The following VARS2 variants were observed in gnomAD, a reference collection of about 807,000 sequenced individuals.
The protein encoded by VARS2 is valine--tRNA ligase, mitochondrial.
A neutral mutation model predicts 154.1 loss-of-function variants in VARS2; 105 were observed. The observed-to-expected ratio is 0.68, with a 90% confidence interval of 0.58 to 0.80. The LOEUF is 0.80. Among genes scored for constraint, VARS2 ranks in the 30% least tolerant of loss-of-function variants. The pLI is 0.00. For synonymous variants in VARS2, 483 were observed against 539.5 expected, an observed-to-expected ratio of 0.90 and a Z score of 1.45; for missense variants, 1,157 against 1,361.4, an observed-to-expected ratio of 0.85 and a Z score of 2.36.
Position 30,921,679 on chromosome 6 carries a change from A to T in VARS2, c.1723A>T (p.Thr575Ser). The T allele has an allele frequency of 6.2e-7, 1 of 1,604,756 alleles. No individual in the cohort carries two copies. Among genetic ancestry groups the T allele is most frequent in the African/African-American group, 1.3e-5 (1 of 74,908 alleles). The change falls in exon 18 of 30, where the codon ACC (threonine) becomes TCC (serine). Residue 575 changes from threonine to serine, a missense_variant. Transcript: ENST00000676266. The surrounding 1 kb of genome is among the most constrained non-coding windows in gnomAD (Gnocchi z 4.6). ...GACAGGGAGGCCAGGGGCAGAGCTGACCCTGGAGAGGGGTGAGTGCCTGAG... is the reference window on the plus strand; with the variant it reads ...GACAGGGAGGCCAGGGGCAGAGCTGTCCCTGGAGAGGGGTGAGTGCCTGAG... ...ELTGRPGAEL[T>S]LERDPDVLDT... is the part of the protein sequence containing the mutation.
chr6:30,926,252 T>C lies in VARS2; in HGVS notation c.*42T>C. 6.3e-7 allele frequency: 1 copy of C among 1,594,424 alleles called. No individual in the cohort carries two copies. Among genetic ancestry groups the C allele is most frequent in the Non-Finnish European group, 8.6e-7 (1 of 1,164,362 alleles). On this transcript the variant is annotated 3_prime_UTR_variant, in exon 30 of 30. Transcript: ENST00000676266. Reference sequence around the variant, plus strand: ...GTTTTCCTCCCTCTCAGACCTGTCTTTGAGGACAAACAGATTTGTCAGCTG... The same window carrying C: ...GTTTTCCTCCCTCTCAGACCTGTCTCTGAGGACAAACAGATTTGTCAGCTG...
Position 30,915,193 on chromosome 6 carries a change from A to G in VARS2, c.239A>G (p.Glu80Gly). The G allele has an allele frequency of 1.2e-6, 2 of 1,614,218 alleles. No homozygotes were observed. Among genetic ancestry groups the G allele is most frequent in the South Asian group, 2.2e-5 (2 of 91,090 alleles). ...TCCATTAAGGCCTGGAGGCCTAAGG[A>G]GTTAGTATTGTATGAAATCCCTACG... ...AESIKAWRPK[E>G]LVLYEIPTKP... Residue 80 changes from glutamate (E) to glycine (G), a missense_variant, in exon 3 of 30, where the codon GAG becomes GGG. By Grantham distance (98) the Glu-to-Gly change is moderately conservative. Coordinates refer to ENST00000676266, the MANE Select transcript of VARS2 (RefSeq NM_020442.6).
In VARS2 at chr6:30,925,962, C is replaced by T. The variant is rs1161554576; in HGVS notation, c.3044C>T (p.Ala1015Val). The change falls in exon 29 of 30, where the codon GCC (alanine) becomes GTC (valine). Residue 1015 changes from alanine to valine, a missense_variant. Ala to Val is a moderately conservative substitution (Grantham distance 64, BLOSUM62 0). Coordinates refer to ENST00000676266, the MANE Select transcript of VARS2 (RefSeq NM_020442.6). Reference sequence around the variant, plus strand: ...CAGAAGCAGCTTGACAGCCTCACAGCCAGGACCCCATCAGAAGGGGAGGCA... The same window carrying T: ...CAGAAGCAGCTTGACAGCCTCACAGTCAGGACCCCATCAGAAGGGGAGGCA... ...KLQKQLDSLTARTPSEGEAGT... is the reference protein window; with the variant it reads ...KLQKQLDSLTVRTPSEGEAGT... The T allele has an allele frequency of 2.5e-6, 4 of 1,612,940 alleles. No homozygotes were observed. Among genetic ancestry groups the T allele is most frequent in the Non-Finnish European group, 3.4e-6 (4 of 1,180,036 alleles).
At position 30,923,415 on chromosome 6, in the gene VARS2, G is replaced by T; in HGVS notation, c.2376G>T (p.Glu792Asp). ...ILSRLALAAQ[E>D]CERGFLTREL... Reference sequence around the variant, plus strand: ...GCCGCCTTGCCCTGGCTGCCCAGGAGTGTGAGCGGGGCTTCCTCACCCGAG... The same window carrying T: ...GCCGCCTTGCCCTGGCTGCCCAGGATTGTGAGCGGGGCTTCCTCACCCGAG... Residue 792 changes from glutamate to aspartate, a missense_variant, in exon 25 of 30, where the codon GAG (glutamate) becomes GAT (aspartate). Transcript: ENST00000676266. The T allele has an allele frequency of 6.2e-7, 1 of 1,612,326 alleles. No individual in the cohort carries two copies. Among genetic ancestry groups the T allele is most frequent in the Non-Finnish European group, 8.5e-7 (1 of 1,180,018 alleles).
At chr6:30,914,522 G>T in intron 1 of VARS2, 178 bp downstream of exon 1, 1 of 1,342,718 alleles carries the variant, frequency 7.4e-7, no homozygotes, top group South Asian at 2.0e-5. Context: ...TGGGCGCGCT[G>T]ATGCCCATCA....
rs374035061 is a variant in VARS2, at chr6:30,919,766, C to T, written c.1083C>T (p.His361=). ...CTCTCCCTTCCCTTCAGCATCTACA[C>T]GGGCGACAGCTTCGTCACCCCTTGA... ...HPDDSRYTHL[H]GRQLRHPLMG... The change falls in exon 12 of 30, where the codon CAC becomes CAT. Residue 361 remains histidine (H), a synonymous_variant. Coordinates refer to ENST00000676266, the MANE Select transcript of VARS2 (RefSeq NM_020442.6). This position sits in a 1 kb window ranked among gnomAD's most constrained non-coding sequence, Gnocchi z 4.5. 1.9e-4 allele frequency: 294 copies of T among 1,579,938 alleles called. No individual in the cohort carries two copies. Among genetic ancestry groups the T allele is most frequent in the Non-Finnish European group, 2.2e-4 (252 of 1,159,200 alleles).
In VARS2 at chr6:30,918,821, C is replaced by T. The variant is rs1344511268; in HGVS notation, c.986-6C>T. 6.2e-7 allele frequency: 1 copy of T among 1,612,756 alleles called. No individual in the cohort carries two copies. The highest frequency in any genetic ancestry group is 1.3e-5 in the African/African-American group (1 of 75,020). On this transcript the variant is annotated splice_polypyrimidine_tract_variant and splice_region_variant and intron_variant, in intron 10 of 29. Transcript: ENST00000676266. ...CAGCTGTAAGTGTTTAAATGTTTAT[C>T]TTCAGATGCAGAGGTTGTGGTAGGA...
chr6:30,921,651 ACTGACAGGGAGGCCAGGGGCAGAG>A lies in VARS2; in HGVS notation c.1701_1724del (p.Gly568_Thr575del), dbSNP rs1562457364. ...CTGAGGCCAGAGAGGTAGCAGCGGA[ACTGACAGGGAGGCCAGGGGCAGAG>A]CTGACCCTGGAGAGGGGTGAGTGCC... is the stretch of plus-strand genomic sequence containing the variant. On this transcript the variant is annotated inframe_deletion, in exon 18 of 30. Transcript: ENST00000676266. This position sits in a 1 kb window ranked among gnomAD's most constrained non-coding sequence, Gnocchi z 4.6. 3.7e-6 allele frequency: 6 copies of A among 1,608,992 alleles called. No homozygotes were observed. Among genetic ancestry groups the A allele is most frequent in the Middle Eastern group, 1.6e-4 (1 of 6,076 alleles).
chr6:30,919,788 T>C lies in VARS2; in HGVS notation c.1105T>C (p.Leu369=). 6.3e-7 allele frequency: 1 copy of C among 1,594,526 alleles called. No homozygotes were observed. The highest frequency in any genetic ancestry group is 8.6e-7 in the Non-Finnish European group (1 of 1,167,598). The change falls in exon 12 of 30, where the codon TTG becomes CTG. Residue 369 remains leucine (L), a synonymous_variant. Coordinates refer to ENST00000676266, the MANE Select transcript of VARS2 (RefSeq NM_020442.6). This position sits in a 1 kb window ranked among gnomAD's most constrained non-coding sequence, Gnocchi z 4.5. The stretch of plus-strand genomic sequence containing the variant: ...ACACGGGCGACAGCTTCGTCACCCC[T>C]TGATGGGGCAGCCTCTTCCCCTCAT... ...HLHGRQLRHP[L]MGQPLPLITD... is the part of the protein sequence containing the mutation.
In VARS2 at chr6:30,915,241, A is replaced by G. The variant is rs766741664; in HGVS notation, c.283+4A>G. 2 of 1,613,950 alleles carry G rather than the reference A, an allele frequency of 1.2e-6. No individual in the cohort carries two copies. The highest frequency in any genetic ancestry group is 2.7e-5 in the African/African-American group (2 of 74,934). On this transcript the variant is annotated splice_donor_region_variant and intron_variant, in intron 3 of 29. Transcript: ENST00000676266. ...ACGAAACCCGGTGAAAAGAAAGGTA[A>G]GTAGAATAAGTAAGAAGGCCTTTTC...
At chr6:30,918,707 C>T (rs931915901) in intron 10 of VARS2, 120 bp from the exon 11 acceptor site, 31 of 750,664 alleles carry the variant, frequency 4.1e-5, no homozygotes, top group Middle Eastern at 3.4e-4. Flanking sequence ...CTCCTGGGGG[C>T]CTCTTCCACC....
chr6:30,916,096 C>T lies in VARS2; in HGVS notation c.573+49C>T, dbSNP rs762573868. 5.2e-6 allele frequency: 8 copies of T among 1,528,018 alleles called. No homozygotes were observed. The highest frequency in any genetic ancestry group is 3.5e-5 in the African/African-American group (2 of 57,812). The allele number at this position is 1,528,018 out of a possible 1,614,324, so 94.7% of individuals were successfully genotyped here. ...TTTTCTTGGGCAAAAGCAATTTCTTCCCCCAAAGCAACCAAGCAACCTGAC... is the reference window on the plus strand; with the variant it reads ...TTTTCTTGGGCAAAAGCAATTTCTTTCCCCAAAGCAACCAAGCAACCTGAC... On this transcript the variant is annotated intron_variant, in intron 6 of 29. Coordinates refer to ENST00000676266, the MANE Select transcript of VARS2 (RefSeq NM_020442.6). The surrounding 1 kb of genome is among the most constrained non-coding windows in gnomAD (Gnocchi z 4.0).
In VARS2 at chr6:30,925,356, C is replaced by T. The variant is rs767057441; in HGVS notation, c.2756C>T (p.Thr919Met). The T allele has an allele frequency of 9.9e-6, 16 of 1,611,580 alleles. No individual in the cohort carries two copies. The highest frequency in any genetic ancestry group is 8.8e-5 in the South Asian group (8 of 90,968). ...CAGGTGCTAAGGGCTCTCCGAGCCA[C>T]GTACCAGCTCACCAAAGCCCGGCCC... The part of the protein sequence containing the change: ...VVQVLRALRA[T>M]YQLTKARPRV... The change falls in exon 27 of 30, where the codon ACG becomes ATG. Residue 919 changes from threonine to methionine, a missense_variant. Thr to Met is a moderately conservative substitution (Grantham distance 81). Transcript: ENST00000676266.
At chr6:30,914,703 A>T (rs984743582) in intron 1 of VARS2, 107 bp from the exon 2 acceptor site, 21 of 1,205,830 alleles carry the variant, frequency 1.7e-5, no homozygotes, top group Non-Finnish European at 2.3e-5. Context: ...GGGAATAGAG[A>T]CTTGGAATAA....
At chr6:30,923,664 C>T in intron 25 of VARS2, 159 bp downstream of exon 25, 2 of 1,150,812 alleles carry the variant, frequency 1.7e-6, no homozygotes, top group Non-Finnish European at 2.4e-6. Flanking sequence ...CTTCCTGGGA[C>T]TGGTTTTGGC....
chr6:30,923,475 C>G lies in VARS2; in HGVS notation c.2436C>G (p.Phe812Leu), dbSNP rs755620118. 1 of 1,611,952 alleles carries G rather than the reference C, an allele frequency of 6.2e-7. No individual in the cohort carries two copies. The highest frequency in any genetic ancestry group is 1.7e-5 in the Admixed American group (1 of 60,028). ...LSLVTHALHH[F>L]WLHNLCDVYL... The stretch of plus-strand genomic sequence containing the variant: ...TCGTCACTCATGCCCTGCACCACTT[C>G]TGGCTTCACAACCTCTGTGACGTCT... Residue 812 changes from phenylalanine (F) to leucine (L), a missense_variant, in exon 25 of 30, where the codon TTC becomes TTG. Coordinates refer to ENST00000676266, the MANE Select transcript of VARS2 (RefSeq NM_020442.6).
In VARS2 at chr6:30,916,192, G is replaced by A. The variant is rs147382026; in HGVS notation, c.614G>A (p.Arg205Lys). The A allele has an allele frequency of 5.6e-6, 9 of 1,613,932 alleles. No individual in the cohort carries two copies. The highest frequency in any genetic ancestry group is 4.0e-5 in the African/African-American group (3 of 74,910). Residue 205 changes from arginine to lysine, a missense_variant, in exon 7 of 30, where the codon AGG (arginine) becomes AAG (lysine). Arg to Lys is a conservative substitution (Grantham distance 26, BLOSUM62 2). Transcript: ENST00000676266. The surrounding 1 kb of genome is among the most constrained non-coding windows in gnomAD (Gnocchi z 4.0). ...CAACTGTGGAAGGAACGGGGAGTGAGGAGACATGAGCTGAGCCGGGAGGCC... is the reference window on the plus strand; with the variant it reads ...CAACTGTGGAAGGAACGGGGAGTGAAGAGACATGAGCTGAGCCGGGAGGCC... The part of the protein sequence containing the change: ...EKQLWKERGV[R>K]RHELSREAFL...
In VARS2 at chr6:30,922,996, G is replaced by T; in HGVS notation, c.2185+20G>T. ...TTCAGGGTAAGCCTGGGCGAGGGGT[G>T]TCGGGGTGAGCAGAGGGCAGCGGGC... On this transcript the variant is annotated intron_variant, in intron 23 of 29. Transcript: ENST00000676266. The T allele has an allele frequency of 1.2e-6, 2 of 1,605,750 alleles. No homozygotes were observed. The highest frequency in any genetic ancestry group is 1.1e-5 in the South Asian group (1 of 90,174).
At position 30,916,059 on chromosome 6, in the gene VARS2, G is replaced by C; in HGVS notation, c.573+12G>C. ...GAATTGCTACACAAGTATGTCTTTT[G>C]TTACCTGTTCCTTTTCTTGGGCAAA... On this transcript the variant is annotated intron_variant, in intron 6 of 29. Transcript: ENST00000676266. This position sits in a 1 kb window ranked among gnomAD's most constrained non-coding sequence, Gnocchi z 4.0. 6.2e-7 allele frequency: 1 copy of C among 1,613,712 alleles called. No individual in the cohort carries two copies. Among genetic ancestry groups the C allele is most frequent in the Non-Finnish European group, 8.5e-7 (1 of 1,179,856 alleles).
Sources: gnomAD v4.1 joint callset for allele counts on GRCh38, gnomAD v4.1.1 for gene constraint, Gnocchi (gnomAD v3.1) non-coding constraint, MANE v1.5 for transcripts, NCBI Gene and HGNC (gene_info 2026-07-23, HGNC 2026-07-21) for gene names.